ANO2: variants seen among roughly 807,000 people sequenced by gnomAD.
ANO2 encodes the protein anoctamin-2.
ANO2 carries 101 observed loss-of-function variants against 124.2 expected under a neutral mutation model. The ratio of observed to expected loss-of-function variants is 0.81; its 90% confidence interval spans 0.69 to 0.96. The LOEUF is 0.96. Ranked by LOEUF, ANO2 falls within the 40% of genes least tolerant of loss-of-function variation. ANO2 has a pLI of 0.00. For missense variants in ANO2, 1,293 were observed against 1,274.5 expected (o/e 1.01, Z -0.22); for synonymous variants, 486 against 482.5 (o/e 1.01, Z -0.09).
At chr12:5,805,338 C>T (rs746518845) in intron 9 of ANO2, among the ~76,000 whole-genome samples, 1 of 152,154 alleles carries the variant, frequency 6.6e-6, no homozygotes, top group Non-Finnish European at 1.5e-5. Context: ...CCCTCCTCTG[C>T]TCACTAGAGT....
intron 15 of ANO2, among the ~76,000 whole-genome samples, chr12:5,644,911 T>C (rs899089964): frequency 6.6e-6 from 1 of 152,362 alleles, no homozygotes; most frequent in Non-Finnish European, 1.5e-5. Flanking sequence ...CAATGTGCTA[T>C]AAAATATCAG....
intron 1 of ANO2, among the ~76,000 whole-genome samples, chr12:5,923,339 T>C (rs918079466): frequency 6.6e-6 from 1 of 151,630 alleles, no homozygotes; most frequent in South Asian, 2.1e-4. Context: ...TGTCATAATC[T>C]CTCATAATTC....
At chr12:5,690,867 G>A (rs950322208) in intron 14 of ANO2, among the ~76,000 whole-genome samples, 9 of 152,072 alleles carry the variant, frequency 5.9e-5, no homozygotes, top group Admixed American at 1.3e-4. Context: ...CAGGAATTAC[G>A]CCTAAAATAA....
At chr12:5,681,969 T>C (rs1458787096) in intron 14 of ANO2, among the ~76,000 whole-genome samples, 1 of 152,114 alleles carries the variant, frequency 6.6e-6, no homozygotes, top group Non-Finnish European at 1.5e-5. Flanking sequence ...GGGAAAATCA[T>C]GGAAAAAAGA....
chr12:5,616,936 CCACACTCTCCAGATCACACCA>C (rs1565480366), intron 16 of ANO2, among the ~76,000 whole-genome samples: 38,585 of 151,416 alleles, frequency 0.25, 5,262 homozygotes, highest in African/African-American at 0.35. Flanking sequence ...TCACACAGTG[CCACACTCTCCAGATCACACCA>C]TAACACACTC....
At chr12:5,615,728 T>C (rs369206232) in intron 16 of ANO2, among the ~76,000 whole-genome samples, 14 of 152,084 alleles carry the variant, frequency 9.2e-5, no homozygotes, top group African/African-American at 3.4e-4. Context: ...TGAACTAGAG[T>C]TACAAGGGTA....
intron 23 of ANO2, among the ~76,000 whole-genome samples, chr12:5,572,475 T>A (rs1942182787): frequency 6.6e-6 from 1 of 152,210 alleles, no homozygotes; most frequent in South Asian, 2.1e-4. Context: ...CTGTGTTAGG[T>A]GCAGGGCCTC....
intron 14 of ANO2, among the ~76,000 whole-genome samples, chr12:5,718,178 T>C (rs991618187): frequency 2.0e-5 from 3 of 152,230 alleles, no homozygotes; most frequent in Non-Finnish European, 1.5e-5. Flanking sequence ...TTCTGAAACA[T>C]ATTCTTCAGA....
intron 14 of ANO2, among the ~76,000 whole-genome samples, chr12:5,702,375 A>G (rs1171108557): frequency 6.6e-6 from 1 of 152,352 alleles, no homozygotes; most frequent in Non-Finnish European, 1.5e-5. Context: ...CCACAGTCAT[A>G]GTAAAAACAA....
At chr12:5,614,821 A>T (rs188419784) in intron 17 of ANO2, among the ~76,000 whole-genome samples, 88 of 152,224 alleles carry the variant, frequency 5.8e-4, no homozygotes, top group Non-Finnish European at 8.4e-4. Flanking sequence ...AACCTATGAA[A>T]TCTGTATTAA....
chr12:5,582,301 G>A (rs1454760437), intron 20 of ANO2, among the ~76,000 whole-genome samples: 1 of 152,190 alleles, frequency 6.6e-6, no homozygotes, highest in Non-Finnish European at 1.5e-5. Context: ...GAGCTCAAAG[G>A]CTGGAAACTC....
At chr12:5,583,272 A>C (rs1591665452) in intron 20 of ANO2, among the ~76,000 whole-genome samples, 1 of 152,346 alleles carries the variant, frequency 6.6e-6, no homozygotes, top group East Asian at 1.9e-4. Flanking sequence ...CATTGCTGCA[A>C]TCGGCACAGA....
chr12:5,672,580 C>T (rs913724830), intron 14 of ANO2, among the ~76,000 whole-genome samples: 18 of 147,852 alleles, frequency 1.2e-4, no homozygotes, highest in Admixed American at 1.1e-3. Context: ...GCAGTCAGCT[C>T]GTGTGTGTGT....
intron 10 of ANO2, among the ~76,000 whole-genome samples, chr12:5,797,029 C>A (rs554173687): frequency 6.6e-6 from 1 of 152,228 alleles, no homozygotes; most frequent in Non-Finnish European, 1.5e-5. Flanking sequence ...CTTGGCCAGG[C>A]CTGTGCATGA....
At chr12:5,739,811 C>T (rs79853037) in intron 12 of ANO2, 49,644 of 449,210 alleles carry the variant, frequency 0.11, 2,986 homozygotes, top group African/African-American at 0.15. Flanking sequence ...TCACTTTTTC[C>T]CTACATTTCT....
intron 4 of ANO2, among the ~76,000 whole-genome samples, chr12:5,837,208 ACGGGGC>A (rs1954348286): frequency 2.0e-5 from 2 of 100,746 alleles, no homozygotes; most frequent in African/African-American, 6.7e-5. Context: ...TGCAGCATCC[ACGGGGC>A]CAGGAGTGCA....
intron 7 of ANO2, 24 bp from the exon 8 acceptor site, chr12:5,807,392 A>G (rs975104641): frequency 6.5e-7 from 1 of 1,548,294 alleles, no homozygotes; most frequent in East Asian, 2.4e-5. Context: ...GGAGATGAAA[A>G]TAGTAACTCT....
rs191930362 is a variant in ANO2 at position 5,618,665 on chromosome 12, C to T, written c.1817-3368G>A. On this transcript the variant is annotated intron_variant, in intron 16 of 24. Coordinates refer to ENST00000682330, the MANE Select transcript of ANO2 (RefSeq NM_001364791.2). Reference sequence around the variant, plus strand: ...TTCATCAAACACTCTCTTTCACCTCCCCACTTTCCACTCCCAGTCTAACCT... The same window carrying T: ...TTCATCAAACACTCTCTTTCACCTCTCCACTTTCCACTCCCAGTCTAACCT... 7.2e-5 allele frequency among the ~76,000 whole-genome samples: 11 copies of T among 152,308 alleles called. 1 individual carries two copies. In the East Asian group the frequency reaches 2.1e-3, roughly 29 times the overall value.
chr12:5,805,905 C>T, intron 9 of ANO2, 147 bp downstream of exon 9: 1 of 730,256 alleles, frequency 1.4e-6, no homozygotes. Flanking sequence ...TTCCAAATAC[C>T]TGGGTGGGGG....
Sources: allele counts gnomAD v4.1 joint callset (sites outside exome capture counted in the v4.1 genomes callset), GRCh38; gene constraint gnomAD v4.1.1; transcripts MANE v1.5; gene names NCBI Gene and HGNC (gene_info 2026-07-23, HGNC 2026-07-21).